Variants in NKAIN2 observed in about 807,000 individuals in gnomAD.
The protein encoded by NKAIN2 is sodium/potassium transporting ATPase interacting 2.
In NKAIN2, 14 loss-of-function variants were observed where a neutral mutation model predicts 32.6. The ratio of observed to expected loss-of-function variants is 0.43; its 90% CI spans 0.28 to 0.67. The LOEUF (loss-of-function observed/expected upper bound fraction) is 0.67. NKAIN2 is among the 30% of genes least tolerant of loss of function. The pLI is 0.17. For synonymous variants in NKAIN2, 80 were observed against 87.2 expected (o/e 0.92, Z 0.46); for missense variants, 198 against 258.3 (o/e 0.77, Z 1.60).
chr6:124,459,270 G>A (rs929735905), intron 3 of NKAIN2, among the ~76,000 whole-genome samples: 1 of 151,750 alleles, frequency 6.6e-6, no homozygotes, highest in African/African-American at 2.4e-5. Context: ...AACAAAGTCC[G>A]CAAAATAAGC....
rs184426809 is a variant in NKAIN2, at chr6:124,135,696, G to A, written c.55-147309G>A. On this transcript the variant is annotated intron_variant, in intron 1 of 6. Transcript: ENST00000368417. ...ATCAAGTGTCATCTCAGACCAAAGT[G>A]GAATAAAACCGTAAATTAACTCCAA... Among the ~76,000 whole-genome samples, 13 of 151,746 alleles carry A rather than the reference G, an allele frequency of 8.6e-5. No homozygotes were observed. In the East Asian group the frequency reaches 2.5e-3, roughly 29 times the overall value.
At chr6:124,571,922 T>C (rs1402353940) in intron 3 of NKAIN2, among the ~76,000 whole-genome samples, 1 of 152,166 alleles carries the variant, frequency 6.6e-6, no homozygotes, top group Non-Finnish European at 1.5e-5. Context: ...CAAAGGCAGA[T>C]CATTTATTTC....
At position 124,149,926 on chromosome 6, in the gene NKAIN2, A is replaced by G. The variant is rs545897070; in HGVS notation, c.55-133079A>G. ...ACAATGCCAAAAACCTGGAGCCAAC[A>G]CAACCTGTAGGTAATTAAAATTTAT... is the stretch of plus-strand genomic sequence containing the variant. On this transcript the variant is annotated intron_variant, in intron 1 of 6. Transcript: ENST00000368417. 2.6e-5 allele frequency among the ~76,000 whole-genome samples: 4 copies of G among 152,280 alleles called. No individual in the cohort carries two copies. The East Asian group carries it at 7.7e-4, about 29-fold the overall frequency.
intron 1 of NKAIN2, among the ~76,000 whole-genome samples, chr6:123,888,157 T>C (rs1380864329): frequency 6.6e-6 from 1 of 152,078 alleles, no homozygotes; most frequent in African/African-American, 2.4e-5. Flanking sequence ...GAGGACACAT[T>C]ATCTCTTATG....
At chr6:124,803,081 T>C (rs1337614862) in intron 5 of NKAIN2, among the ~76,000 whole-genome samples, 1 of 152,154 alleles carries the variant, frequency 6.6e-6, no homozygotes, top group Non-Finnish European at 1.5e-5. Context: ...CAGCTGGGTG[T>C]TGTCTCCTGC....
intron 1 of NKAIN2, among the ~76,000 whole-genome samples, chr6:124,042,022 T>A (rs142983565): frequency 6.6e-6 from 1 of 152,096 alleles, no homozygotes; most frequent in East Asian, 1.9e-4. Flanking sequence ...TATAATGGAA[T>A]AAATGAAATT....
intron 1 of NKAIN2, among the ~76,000 whole-genome samples, chr6:123,933,437 G>T (rs1485973579): frequency 1.3e-5 from 2 of 152,136 alleles, no homozygotes; most frequent in Non-Finnish European, 2.9e-5. Context: ...CAGAACAGTG[G>T]AAATGTGGCA....
chr6:124,118,792 T>C (rs1023403784), intron 1 of NKAIN2, among the ~76,000 whole-genome samples: 5 of 152,170 alleles, frequency 3.3e-5, no homozygotes, highest in African/African-American at 1.2e-4. Context: ...AAAGTCATCC[T>C]GTACAGGCCG....
chr6:124,530,189 G>C (rs1779469282), intron 3 of NKAIN2, among the ~76,000 whole-genome samples: 1 of 152,142 alleles, frequency 6.6e-6, no homozygotes, highest in African/African-American at 2.4e-5. Context: ...GCCTACTGAT[G>C]ACCAGGAACC....
chr6:124,655,258 C>G (rs73575527), intron 3 of NKAIN2, among the ~76,000 whole-genome samples: 3,954 of 152,076 alleles, frequency 0.026, 151 homozygotes, highest in African/African-American at 0.089. Flanking sequence ...TCCATTATTA[C>G]CAACAAGTCA....
At chr6:124,063,532 G>T (rs970012852) in intron 1 of NKAIN2, among the ~76,000 whole-genome samples, 1 of 152,106 alleles carries the variant, frequency 6.6e-6, no homozygotes, top group African/African-American at 2.4e-5. Flanking sequence ...CTTACCTCAT[G>T]AATTTGTTGT....
rs909715572 is a variant in NKAIN2, at chr6:124,468,335, C to T, written c.273+112988C>T. ...AAAGAAAATGTAAGAATAGCAAAAT[C>T]CTGAAATCTTGATTATATACCCCAT... is the stretch of plus-strand genomic sequence containing the variant. On this transcript the variant is annotated intron_variant, in intron 3 of 6. Transcript: ENST00000368417. Among the ~76,000 whole-genome samples, 3 of 152,068 alleles carry T rather than the reference C, an allele frequency of 2.0e-5. No individual in the cohort carries two copies. In the South Asian group the frequency reaches 6.2e-4, roughly 31 times the overall value.
At position 124,441,337 on chromosome 6, in the gene NKAIN2, T is replaced by C. The variant is rs1269484681; in HGVS notation, c.273+85990T>C. On this transcript the variant is annotated intron_variant, in intron 3 of 6. Transcript: ENST00000368417. ...GAGAAATGTGGTAGTTTAAAATGTA[T>C]CCAAAAATTCCTTAACAGTCCTTCA... Among the ~76,000 whole-genome samples, 3 of 152,060 alleles carry C rather than the reference T, an allele frequency of 2.0e-5. No homozygotes were observed. The East Asian group carries it at 5.8e-4, about 29-fold the overall frequency.
intron 1 of NKAIN2, among the ~76,000 whole-genome samples, chr6:124,036,060 C>T (rs765009683): frequency 6.6e-6 from 1 of 152,062 alleles, no homozygotes; most frequent in African/African-American, 2.4e-5. Flanking sequence ...AAGATTCACA[C>T]CATGTGGGTA....
chr6:124,313,367 T>A (rs1796803674), intron 2 of NKAIN2, among the ~76,000 whole-genome samples: 1 of 152,150 alleles, frequency 6.6e-6, no homozygotes, highest in Non-Finnish European at 1.5e-5. Context: ...CTATTGCCTG[T>A]CCCTTAAAAG....
At chr6:124,388,798 A>C (rs1196801818) in intron 3 of NKAIN2, among the ~76,000 whole-genome samples, 1 of 152,038 alleles carries the variant, frequency 6.6e-6, no homozygotes, top group Admixed American at 6.6e-5. Flanking sequence ...CATATTGTGA[A>C]CAAGTATGCC....
At chr6:124,230,382 T>C (rs755359052) in intron 1 of NKAIN2, among the ~76,000 whole-genome samples, 3 of 152,144 alleles carry the variant, frequency 2.0e-5, no homozygotes, top group Non-Finnish European at 4.4e-5. Flanking sequence ...CCTGACAATG[T>C]GATAGAAAAC....
intron 1 of NKAIN2, among the ~76,000 whole-genome samples, chr6:124,266,818 G>A (rs891317093): frequency 2.6e-5 from 4 of 152,114 alleles, no homozygotes; most frequent in African/African-American, 7.2e-5. Context: ...AACAGTGCAT[G>A]GATATAGATA....
chr6:124,018,217 C>G (rs9398749), intron 1 of NKAIN2, among the ~76,000 whole-genome samples: 70,200 of 152,016 alleles, frequency 0.46, 17,904 homozygotes, highest in East Asian at 0.92. Flanking sequence ...AGCTGGGACA[C>G]AGGACTCAAA....
Sources: allele counts gnomAD v4.1 joint callset (sites outside exome capture counted in the v4.1 genomes callset), GRCh38; gene constraint gnomAD v4.1.1; transcripts MANE v1.5; gene names NCBI Gene and HGNC (gene_info 2026-07-23, HGNC 2026-07-21).